Variants in STK11 observed in about 807,000 individuals in gnomAD.
STK11 encodes serine/threonine-protein kinase STK11.
Under a neutral mutation model 47.3 loss-of-function variants are expected in STK11, and 8 were observed. The ratio of observed to expected loss-of-function variants is 0.17; its 90% CI spans 0.10 to 0.31. The LOEUF (loss-of-function observed/expected upper bound fraction) is 0.31, where lower values mean the gene tolerates loss of function less well. Ranked by LOEUF, STK11 falls within the 10% of genes least tolerant of loss-of-function variation. The pLI is 1.00. For synonymous variants in STK11, 330 were observed against 255.8 expected, an observed-to-expected ratio of 1.29 and a Z score of -2.77; for missense variants, 475 against 605.0, an observed-to-expected ratio of 0.79 and a Z score of 2.25.
intron 6 of STK11, 100 bp downstream of exon 6, chr19:1,221,440 A>C (rs1599927865): frequency 6.9e-7 from 1 of 1,446,094 alleles, no homozygotes; most frequent in South Asian, 1.4e-5. Flanking sequence ...TGGCCCCGAG[A>C]CCCCAGCAGG....
Position 1,228,320 on chromosome 19 carries a change from A to C in STK11, c.*744A>C, listed in dbSNP as rs1239171520. 8.0e-5 allele frequency: 21 copies of C among 261,546 alleles called. No individual in the cohort carries two copies. The highest frequency in any genetic ancestry group is 6.2e-5 in the Non-Finnish European group (9 of 144,350). 16.2% of individuals were successfully genotyped at this position (261,546 alleles called of 1,614,324 possible). The stretch of plus-strand genomic sequence containing the variant: ...CAATATTTATATCATCCAGAAAAGA[A>C]AAACACGAGAAACGCCATCGCGGGA... On this transcript the variant is annotated 3_prime_UTR_variant, in exon 10 of 10. Coordinates refer to ENST00000326873, the MANE Select transcript of STK11 (RefSeq NM_000455.5).
intron 1 of STK11, among the ~76,000 whole-genome samples, chr19:1,208,509 C>T (rs1268870243): frequency 6.6e-6 from 1 of 150,446 alleles, no homozygotes; most frequent in African/African-American, 2.5e-5. Context: ...GGGGTTTCAC[C>T]GTGTTAGCCA....
At chr19:1,210,025 G>A (rs541625187) in intron 1 of STK11, among the ~76,000 whole-genome samples, 2 of 152,282 alleles carry the variant, frequency 1.3e-5, no homozygotes, top group Admixed American at 6.5e-5. Flanking sequence ...TTGCCCTTGC[G>A]GGGCCCCCTG....
chr19:1,206,860 C>T lies in STK11; in HGVS notation c.-54C>T, dbSNP rs1014355788. The T allele has an allele frequency of 2.0e-6, 3 of 1,522,762 alleles. No homozygotes were observed. The highest frequency in any genetic ancestry group is 2.7e-6 in the Non-Finnish European group (3 of 1,127,372). 94.3% of individuals were successfully genotyped at this position (1,522,762 alleles called of 1,614,324 possible). A position where few individuals can be genotyped will look rare whatever the true frequency, so the allele number is the denominator to read the frequency against. On this transcript the variant is annotated 5_prime_UTR_variant, in exon 1 of 10. Transcript: ENST00000326873. Reference sequence around the variant, plus strand: ...GGGAAGTCGGAACACAAGGAAGGACCGCTCACCCGCGGACTCAGGGCTGGC... The same window carrying T: ...GGGAAGTCGGAACACAAGGAAGGACTGCTCACCCGCGGACTCAGGGCTGGC...
At chr19:1,222,843 T>A in intron 7 of STK11, 142 bp from the exon 8 acceptor site, 1 of 942,172 alleles carries the variant, frequency 1.1e-6, no homozygotes, top group East Asian at 2.7e-5. Flanking sequence ...GCTGAGCTTC[T>A]GTGGTCACAG....
chr19:1,226,879 T>G, intron 9 of STK11: 1 of 573,766 alleles, frequency 1.7e-6, no homozygotes, highest in South Asian at 2.6e-5. Context: ...CATGGAGGCC[T>G]ACGTGTGGCG....
intron 3 of STK11, chr19:1,219,976 C>G (rs1186806295): frequency 1.9e-5 from 4 of 211,552 alleles, no homozygotes; most frequent in Non-Finnish European, 3.8e-5. Context: ...CTGCTTCCAG[C>G]CCATCGCTGG....
intron 6 of STK11, chr19:1,221,700 C>T (rs944273227): frequency 1.2e-5 from 7 of 598,090 alleles, no homozygotes; most frequent in Non-Finnish European, 2.1e-5. Flanking sequence ...GCCCAGTGGC[C>T]TTGGGAGAAC....
intron 8 of STK11, chr19:1,225,949 TG>T: frequency 1.0e-6 from 1 of 992,880 alleles, no homozygotes; most frequent in Non-Finnish European, 1.2e-6. Flanking sequence ...TGGGGGCAGC[TG>T]GGGGCCCTGG....
chr19:1,226,268 C>CG lies in STK11; in HGVS notation c.1109-180dup, dbSNP rs1036495393. On this transcript the variant is annotated intron_variant, in intron 8 of 9. Transcript: ENST00000326873. Reference sequence around the variant, plus strand: ...AGGCCATCTGCGGGAGGCTCAGCCCCGGGGGGTGCCTCCCAGAGCTGCTGG... The same window carrying CG: ...AGGCCATCTGCGGGAGGCTCAGCCCCGGGGGGGTGCCTCCCAGAGCTGCTGG... 7.7e-6 allele frequency: 11 copies of CG among 1,430,890 alleles called. No homozygotes were observed. In the African/African-American group the frequency reaches 1.3e-4, roughly 17 times the overall value. The allele number at this position is 1,430,890 out of a possible 1,614,324, so 88.6% of individuals were successfully genotyped here.
intron 1 of STK11, among the ~76,000 whole-genome samples, chr19:1,207,658 G>T (rs2080677466): frequency 6.6e-6 from 1 of 152,198 alleles, no homozygotes; most frequent in Non-Finnish European, 1.5e-5. Flanking sequence ...AATGTGATTT[G>T]TTTATCCTGT....
intron 1 of STK11, among the ~76,000 whole-genome samples, chr19:1,209,307 G>C (rs573481006): frequency 6.6e-6 from 1 of 152,184 alleles, no homozygotes; most frequent in Non-Finnish European, 1.5e-5. Context: ...TAGGGGCCGG[G>C]CGCGGTGGCT....
At chr19:1,207,878 C>T (rs138935980) in intron 1 of STK11, among the ~76,000 whole-genome samples, 1 of 152,322 alleles carries the variant, frequency 6.6e-6, no homozygotes, top group Non-Finnish European at 1.5e-5. Flanking sequence ...TCTTCAGGCA[C>T]GGGGCTGCCG....
chr19:1,224,059 C>T (rs1462354847), intron 8 of STK11: 1 of 1,001,514 alleles, frequency 1.0e-6, no homozygotes. Flanking sequence ...ATAGTGGGGG[C>T]CCTGCAGAGA....
intron 3 of STK11, 30 bp from the exon 4 acceptor site, chr19:1,220,343 G>A (rs1224849798): frequency 4.4e-6 from 7 of 1,586,058 alleles, no homozygotes; most frequent in African/African-American, 1.3e-5. Flanking sequence ...GGGAGGCCTC[G>A]GCCCCAGGAC....
chr19:1,211,503 C>G (rs978818517), intron 1 of STK11, among the ~76,000 whole-genome samples: 12 of 152,096 alleles, frequency 7.9e-5, no homozygotes, highest in Non-Finnish European at 1.0e-4. Flanking sequence ...CCTCCCTCCC[C>G]CTTTCCACCC....
chr19:1,215,752 T>C (rs1382780393), intron 1 of STK11, among the ~76,000 whole-genome samples: 3 of 152,076 alleles, frequency 2.0e-5, no homozygotes, highest in African/African-American at 7.2e-5. Context: ...AAGTTTTTTT[T>C]TTGAGATGGA....
rs555287224 is a variant in STK11, at chr19:1,215,083, T to C, written c.291-3334T>C. Among the ~76,000 whole-genome samples the C allele has an allele frequency of 2.6e-5, 4 of 152,190 alleles. No individual in the cohort carries two copies. In the East Asian group the frequency reaches 7.7e-4, roughly 29 times the overall value. On this transcript the variant is annotated intron_variant, in intron 1 of 9. Transcript: ENST00000326873. ...CACAGAGCCCTGGGGAACAAGGGGATCTGGGGCTGAGCCGGGCCTCTCGGG... is the reference window on the plus strand; with the variant it reads ...CACAGAGCCCTGGGGAACAAGGGGACCTGGGGCTGAGCCGGGCCTCTCGGG...
chr19:1,225,520 C>G (rs1488719200), intron 8 of STK11: 2 of 978,998 alleles, frequency 2.0e-6, no homozygotes, highest in African/African-American at 3.5e-5. Context: ...CTGCCCACCT[C>G]GGCCTCCCAA....
Sources: gnomAD v4.1 joint callset for allele counts (sites outside exome capture counted in the v4.1 genomes callset) on GRCh38, gnomAD v4.1.1 for gene constraint, MANE v1.5 for transcripts, NCBI Gene and HGNC (gene_info 2026-07-23, HGNC 2026-07-21) for gene names.